Variants in RBFOX1 observed in about 807,000 individuals in gnomAD.
RBFOX1 encodes the protein RNA binding fox-1 homolog 1.
Under a neutral mutation model 57.7 loss-of-function variants are expected in RBFOX1, and 8 were observed. The observed-to-expected ratio is 0.14, with a 90% CI of 0.08 to 0.25. The LOEUF (loss-of-function observed/expected upper bound fraction) is 0.25. Among genes scored for constraint, RBFOX1 ranks in the 10% least tolerant of loss-of-function variants. RBFOX1 has a pLI of 1.00. For missense variants in RBFOX1, 611 were observed against 548.5 expected, an observed-to-expected ratio of 1.11 and a Z score of -1.14; for synonymous variants, 326 against 222.4, an observed-to-expected ratio of 1.47 and a Z score of -4.15.
chr16:5,452,237 G>T (rs900550052), intron 1 of RBFOX1, among the ~76,000 whole-genome samples: 4 of 149,908 alleles, frequency 2.7e-5, no homozygotes, highest in African/African-American at 9.8e-5. Flanking sequence ...TCCCACCTCA[G>T]CTTCCCAAGT....
intron 1 of RBFOX1, among the ~76,000 whole-genome samples, chr16:6,034,778 C>G (rs746930148): frequency 1.2e-4 from 19 of 152,124 alleles, no homozygotes; most frequent in Non-Finnish European, 2.2e-4. Context: ...ACGTTCACAT[C>G]TTTGTCCTCA....
In RBFOX1 at chr16:7,049,985, C is replaced by T. The variant is rs546011380; in HGVS notation, c.-15-2072C>T. On this transcript the variant is annotated intron_variant, in intron 3 of 15. Transcript: ENST00000550418. ...TTTTATTCACCCCAAATAGAAACCT[C>T]ATACCCATTAAGCAGTCACTCCTCC... is the stretch of plus-strand genomic sequence containing the variant. 9.2e-5 allele frequency among the ~76,000 whole-genome samples: 14 copies of T among 152,334 alleles called. No homozygotes were observed. In the South Asian group the frequency reaches 2.9e-3, roughly 32 times the overall value.
intron 1 of RBFOX1, among the ~76,000 whole-genome samples, chr16:6,053,421 A>G (rs2095577223): frequency 1.3e-5 from 2 of 152,156 alleles, no homozygotes; most frequent in Non-Finnish European, 2.9e-5. Context: ...TTCTAGGAGG[A>G]GAGAGAGTGA....
intron 3 of RBFOX1, among the ~76,000 whole-genome samples, chr16:6,977,502 T>C (rs2087355675): frequency 6.6e-6 from 1 of 152,058 alleles, no homozygotes; most frequent in Admixed American, 6.6e-5. Flanking sequence ...AGTCCCAGCC[T>C]CATTTTCCAG....
At chr16:5,657,928 C>T (rs921826765) in intron 3 of RBFOX1, among the ~76,000 whole-genome samples, 1 of 151,788 alleles carries the variant, frequency 6.6e-6, no homozygotes, top group Admixed American at 6.6e-5. Context: ...GACGAGGTTT[C>T]GCCACCTTGG....
chr16:7,441,203 G>C (rs556230308), intron 4 of RBFOX1, among the ~76,000 whole-genome samples: 1 of 152,152 alleles, frequency 6.6e-6, no homozygotes, highest in Non-Finnish European at 1.5e-5. Context: ...TGCTGCATGC[G>C]CATGACTTGG....
In RBFOX1 at chr16:5,955,391, TAAAA is replaced by T. The variant is rs1567188058; in HGVS notation, c.351+88057_351+88060del. 5.2e-4 allele frequency among the ~76,000 whole-genome samples: 38 copies of T among 73,538 alleles called. 2 individuals carry two copies. Among genetic ancestry groups the T allele is most frequent in the African/African-American group, 1.8e-3 (37 of 20,844 alleles). The allele number at this position is 73,538 out of a possible 152,430, so 48.2% of individuals were successfully genotyped here. A position where few individuals can be genotyped will look rare whatever the true frequency, so the allele number is the denominator to read the frequency against. ...TAAAATAAAATAAAATAAAATAAAATAAAATAAAATAAAATAAAATAAAAGTCTT... is the reference window on the plus strand; with the variant it reads ...TAAAATAAAATAAAATAAAATAAAATTAAAATAAAATAAAATAAAAGTCTT... On this transcript the variant is annotated intron_variant, in intron 4 of 19. Coordinates refer to the RBFOX1 transcript ENST00000641259.
intron 3 of RBFOX1, among the ~76,000 whole-genome samples, chr16:6,945,100 C>G (rs1053763138): frequency 5.3e-5 from 8 of 152,080 alleles, no homozygotes. Flanking sequence ...GCTCTGCACC[C>G]AACGTCCCTT....
At chr16:6,399,513 C>T (rs985340192) in intron 2 of RBFOX1, among the ~76,000 whole-genome samples, 1 of 152,126 alleles carries the variant, frequency 6.6e-6, no homozygotes, top group African/African-American at 2.4e-5. Flanking sequence ...CATCTGAGAC[C>T]ACCTCAGCCA....
intron 4 of RBFOX1, among the ~76,000 whole-genome samples, chr16:6,006,185 G>A (rs896916034): frequency 1.3e-5 from 2 of 152,132 alleles, no homozygotes; most frequent in African/African-American, 4.8e-5. Flanking sequence ...GTTTCCTACG[G>A]GGAAATCACC....
At chr16:6,992,935 T>C (rs909215498) in intron 3 of RBFOX1, among the ~76,000 whole-genome samples, 6 of 152,184 alleles carry the variant, frequency 3.9e-5, no homozygotes, top group African/African-American at 1.4e-4. Flanking sequence ...GATTTCATTG[T>C]AGAATGCAGA....
chr16:5,437,771 C>T (rs535094355), intron 1 of RBFOX1, among the ~76,000 whole-genome samples: 92 of 152,092 alleles, frequency 6.0e-4, no homozygotes, highest in Non-Finnish European at 7.6e-4. Context: ...GCAATTATTC[C>T]GTTATTTCTT....
At chr16:5,333,963 T>C (rs1440125034) in intron 1 of RBFOX1, among the ~76,000 whole-genome samples, 1 of 152,168 alleles carries the variant, frequency 6.6e-6, no homozygotes, top group African/African-American at 2.4e-5. Context: ...TTGTAAGAGT[T>C]AAAGACAGAG....
chr16:5,991,056 G>T (rs532543492), intron 4 of RBFOX1, among the ~76,000 whole-genome samples: 1 of 152,188 alleles, frequency 6.6e-6, no homozygotes, highest in Non-Finnish European at 1.5e-5. Context: ...GAAAATTCTT[G>T]TGAAACAAGG....
rs1488220502 is a variant in RBFOX1 at position 5,485,583 on chromosome 16, G to A, written c.258+18329G>A. Among the ~76,000 whole-genome samples the A allele has an allele frequency of 5.3e-5, 8 of 152,186 alleles. No individual in the cohort carries two copies. In the East Asian group the frequency reaches 1.2e-3, roughly 22 times the overall value. ...TTAAATGGATTTTAATATTTATTCC[G>A]CATTATACCTCAAAGAGAATTCACC... On this transcript the variant is annotated intron_variant, in intron 2 of 2. Transcript: ENST00000585867.
chr16:6,746,222 A>C (rs2073593913), intron 3 of RBFOX1, among the ~76,000 whole-genome samples: 1 of 152,172 alleles, frequency 6.6e-6, no homozygotes, highest in Non-Finnish European at 1.5e-5. Context: ...AATGCCAATC[A>C]AACCCCAGCA....
At chr16:5,251,540 G>A (rs1463558605) in intron 1 of RBFOX1, among the ~76,000 whole-genome samples, 1 of 152,204 alleles carries the variant, frequency 6.6e-6, no homozygotes, top group Non-Finnish European at 1.5e-5. Context: ...TGGGGCAATG[G>A]CAGCAGAAAC....
At chr16:5,630,420 G>T (rs1432738734) in intron 3 of RBFOX1, among the ~76,000 whole-genome samples, 2 of 151,966 alleles carry the variant, frequency 1.3e-5, no homozygotes, top group Non-Finnish European at 2.9e-5. Flanking sequence ...CCACGCTATT[G>T]CACTCCAGCC....
chr16:5,290,948 C>G (rs2063519331), intron 1 of RBFOX1, among the ~76,000 whole-genome samples: 1 of 152,188 alleles, frequency 6.6e-6, no homozygotes, highest in Admixed American at 6.5e-5. Context: ...GATGCACCCG[C>G]CTCAGCTTCG....
Sources: gnomAD v4.1 joint callset for allele counts (sites outside exome capture counted in the v4.1 genomes callset) on GRCh38, gnomAD v4.1.1 for gene constraint, MANE v1.5 for transcripts, NCBI Gene and HGNC (gene_info 2026-07-23, HGNC 2026-07-21) for gene names.